The following TMTC2 variants were observed in gnomAD, a reference collection of about 807,000 sequenced individuals.
TMTC2 encodes the protein transmembrane O-mannosyltransferase targeting cadherins 2, also known as protein O-mannosyl-transferase TMTC2.
TMTC2 carries 43 observed loss-of-function variants against 82.4 expected under a neutral mutation model. The observed-to-expected ratio is 0.52, with a 90% CI of 0.41 to 0.67. TMTC2 has a LOEUF of 0.67. Ranked by LOEUF, TMTC2 falls within the 30% of genes least tolerant of loss-of-function variation. The pLI, the probability that TMTC2 is intolerant of heterozygous loss-of-function variation, is 0.00. For synonymous variants in TMTC2, 408 were observed against 381.9 expected, an observed-to-expected ratio of 1.07 and a Z score of -0.80; for missense variants, 919 against 1,012.4, an observed-to-expected ratio of 0.91 and a Z score of 1.25.
At chr12:82,899,652 AAT>A (rs974972309) in intron 3 of TMTC2, among the ~76,000 whole-genome samples, 3 of 140,486 alleles carry the variant, frequency 2.1e-5, no homozygotes, top group Admixed American at 7.4e-5. Context: ...TATATATAAG[AAT>A]ATATATATAA....
chr12:82,887,694 C>A (rs1455335423), intron 2 of TMTC2, among the ~76,000 whole-genome samples: 1 of 152,176 alleles, frequency 6.6e-6, no homozygotes, highest in East Asian at 1.9e-4. Context: ...TTAGAAATAT[C>A]TATTTTTGTT....
chr12:83,131,134 A>T (rs1401490095), intron 11 of TMTC2, among the ~76,000 whole-genome samples: 7 of 152,240 alleles, frequency 4.6e-5, no homozygotes, highest in Admixed American at 4.6e-4. Context: ...AGTTGACACG[A>T]TCTGCAAAAT....
intron 1 of TMTC2, among the ~76,000 whole-genome samples, chr12:82,787,301 T>G (rs1055248107): frequency 2.0e-5 from 3 of 152,162 alleles, no homozygotes; most frequent in African/African-American, 7.2e-5. Context: ...GAATTCCATT[T>G]TACATGTGGG....
chr12:82,760,719 C>G (rs1876578829), intron 1 of TMTC2, among the ~76,000 whole-genome samples: 1 of 152,032 alleles, frequency 6.6e-6, no homozygotes. Flanking sequence ...GGTATTGCCC[C>G]CTGAGCTCCA....
intron 1 of TMTC2, among the ~76,000 whole-genome samples, chr12:82,817,673 A>T (rs1286046213): frequency 6.6e-6 from 1 of 152,174 alleles, no homozygotes; most frequent in African/African-American, 2.4e-5. Context: ...TTCCTCAGTA[A>T]GAGAAAGCAC....
At chr12:82,918,802 G>A (rs1370055094) in intron 3 of TMTC2, among the ~76,000 whole-genome samples, 1 of 149,072 alleles carries the variant, frequency 6.7e-6, no homozygotes, top group Non-Finnish European at 1.5e-5. Flanking sequence ...CTGTTGCTCA[G>A]GCTGGAGTGC....
At chr12:83,017,093 T>C (rs1880711232) in intron 8 of TMTC2, among the ~76,000 whole-genome samples, 2 of 152,180 alleles carry the variant, frequency 1.3e-5, no homozygotes, top group African/African-American at 4.8e-5. Context: ...CAAATTCCCA[T>C]GGTCTCCGGC....
intron 10 of TMTC2, among the ~76,000 whole-genome samples, chr12:83,058,323 A>AGACTT (rs1882618479): frequency 6.6e-6 from 1 of 151,936 alleles, no homozygotes; most frequent in Non-Finnish European, 1.5e-5. Flanking sequence ...ACAAAACAAA[A>AGACTT]AACCCTGAAT....
chr12:82,693,786 G>A (rs944685740), intron 1 of TMTC2, among the ~76,000 whole-genome samples: 2 of 151,938 alleles, frequency 1.3e-5, no homozygotes, highest in African/African-American at 2.4e-5. Context: ...TGGCCAACGT[G>A]GTGAAACCTC....
intron 11 of TMTC2, among the ~76,000 whole-genome samples, chr12:83,062,666 T>G (rs1408186344): frequency 6.6e-6 from 1 of 151,790 alleles, no homozygotes; most frequent in Non-Finnish European, 1.5e-5. Flanking sequence ...ATCTATAGAG[T>G]GCCTGCTTTG....
chr12:82,756,429 AATC>A (rs1361406525), intron 1 of TMTC2, among the ~76,000 whole-genome samples: 5 of 152,212 alleles, frequency 3.3e-5, no homozygotes, highest in African/African-American at 4.8e-5. Flanking sequence ...GCTTGGGAGC[AATC>A]ATCCTGCCAG....
intron 7 of TMTC2, among the ~76,000 whole-genome samples, chr12:82,969,942 A>G (rs944339407): frequency 1.3e-5 from 2 of 152,210 alleles, no homozygotes; most frequent in Non-Finnish European, 2.9e-5. Context: ...TTAGGTGCAT[A>G]TAATTAGGAA....
At chr12:83,027,091 G>T (rs570730277) in intron 8 of TMTC2, among the ~76,000 whole-genome samples, 2 of 151,872 alleles carry the variant, frequency 1.3e-5, no homozygotes, top group Non-Finnish European at 2.9e-5. Flanking sequence ...AATACAGTCC[G>T]TTTTTCTTCG....
At chr12:82,852,682 C>T (rs1274694597) in intron 1 of TMTC2, among the ~76,000 whole-genome samples, 1 of 152,150 alleles carries the variant, frequency 6.6e-6, no homozygotes, top group Non-Finnish European at 1.5e-5. Context: ...CTATTTTGGA[C>T]TCATAGAAGG....
At chr12:83,046,479 T>TAG (rs1882133754) in intron 9 of TMTC2, among the ~76,000 whole-genome samples, 1 of 152,152 alleles carries the variant, frequency 6.6e-6, no homozygotes, top group Admixed American at 6.5e-5. Context: ...GCTCTAAAGC[T>TAG]AGAGACTAAT....
rs937841048 is a variant in TMTC2 at position 82,977,043 on chromosome 12, A to G, written c.1949-8882A>G. ...GTGTGTCTGCTTCCATGCATCTCAT[A>G]GTCTGGTTTTGTAGCAGAAAGATTA... On this transcript the variant is annotated intron_variant, in intron 7 of 11. Transcript: ENST00000321196. Among the ~76,000 whole-genome samples, 8 of 152,140 alleles carry G rather than the reference A, an allele frequency of 5.3e-5. No homozygotes were observed. In the South Asian group the frequency reaches 1.7e-3, roughly 31 times the overall value.
chr12:82,922,309 A>C (rs2137230065), intron 3 of TMTC2, among the ~76,000 whole-genome samples: 1 of 152,340 alleles, frequency 6.6e-6, no homozygotes, highest in Non-Finnish European at 1.5e-5. Context: ...GGTCCAAAGA[A>C]TAAGTACCAA....
At chr12:82,849,434 G>A (rs1870855966) in intron 1 of TMTC2, among the ~76,000 whole-genome samples, 1 of 152,052 alleles carries the variant, frequency 6.6e-6, no homozygotes, top group African/African-American at 2.4e-5. Context: ...AGATTCAAGG[G>A]AAACTTCTGA....
At chr12:83,113,396 A>G (rs1353906446) in intron 11 of TMTC2, among the ~76,000 whole-genome samples, 2 of 152,190 alleles carry the variant, frequency 1.3e-5, no homozygotes, top group African/African-American at 2.4e-5. Flanking sequence ...AACTTAGGAG[A>G]TGCTAGATGC....
Sources: allele counts gnomAD v4.1 joint callset (sites outside exome capture counted in the v4.1 genomes callset), GRCh38; gene constraint gnomAD v4.1.1; transcripts MANE v1.5; gene names NCBI Gene and HGNC (gene_info 2026-07-23, HGNC 2026-07-21).